The following FGF14 variants were observed in gnomAD, a reference collection of about 807,000 sequenced individuals.
FGF14 encodes fibroblast growth factor 14, also known as fibroblast growth factor homologous factor 4.
A neutral mutation model predicts 25.5 loss-of-function variants in FGF14; 5 were observed. The ratio of observed to expected loss-of-function variants is 0.20; its 90% CI spans 0.10 to 0.41. The LOEUF is 0.41. Ranked by LOEUF, FGF14 falls within the 10% of genes least tolerant of loss-of-function variation. The probability of loss-of-function intolerance (pLI) is 1.00; values close to 1 mark genes in which losing one functional copy is unlikely to be tolerated. For missense variants in FGF14, 222 were observed against 320.1 expected, an observed-to-expected ratio of 0.69 and a Z score of 2.34; for synonymous variants, 138 against 118.3, an observed-to-expected ratio of 1.17 and a Z score of -1.08.
In FGF14 at chr13:102,051,799, TGAA is replaced by T. The variant is rs1352972027; in HGVS notation, c.209-176506_209-176504del. Among the ~76,000 whole-genome samples, 18 of 152,256 alleles carry T rather than the reference TGAA, an allele frequency of 1.2e-4. No individual in the cohort carries two copies. In the East Asian group the frequency reaches 3.5e-3, roughly 29 times the overall value. On this transcript the variant is annotated intron_variant, in intron 1 of 4. Coordinates refer to the FGF14 transcript ENST00000376131. ...CACAGCAAGACTAGCCAGTAGAGTC[TGAA>T]AGTGGTGAATACTCCACCAAATACA...
chr13:102,071,021 G>A (rs532073361), intron 1 of FGF14, among the ~76,000 whole-genome samples: 5 of 152,056 alleles, frequency 3.3e-5, no homozygotes, highest in Non-Finnish European at 7.4e-5. Context: ...TCATCTGAGG[G>A]AACAGGCTGC....
chr13:102,235,712 A>T (rs560367631), intron 1 of FGF14, among the ~76,000 whole-genome samples: 1 of 152,322 alleles, frequency 6.6e-6, no homozygotes, highest in South Asian at 2.1e-4. Context: ...GGATATTTTG[A>T]TGCAAGATCC....
At chr13:101,888,507 T>A (rs1218464448) in intron 1 of FGF14, among the ~76,000 whole-genome samples, 2 of 152,144 alleles carry the variant, frequency 1.3e-5, no homozygotes, top group African/African-American at 4.8e-5. Flanking sequence ...TTTTAAAAAA[T>A]TATGTGACTT....
intron 1 of FGF14, among the ~76,000 whole-genome samples, chr13:102,211,666 C>G (rs1166713402): frequency 6.6e-6 from 1 of 152,172 alleles, no homozygotes; most frequent in Non-Finnish European, 1.5e-5. Context: ...GGCTGGCTCT[C>G]AAACCTACTT....
intron 1 of FGF14, among the ~76,000 whole-genome samples, chr13:101,901,268 T>C (rs1269551910): frequency 6.6e-6 from 1 of 152,206 alleles, no homozygotes; most frequent in African/African-American, 2.4e-5. Context: ...TGGGAGAAGA[T>C]GAACTAAAGC....
In FGF14 at chr13:102,179,022, G is replaced by T. The variant is rs640904; in HGVS notation, c.208+222449C>A. Among the ~76,000 whole-genome samples the T allele has an allele frequency of 2.4e-3, 369 of 151,918 alleles. 4 individuals carry two copies. Among genetic ancestry groups the T allele is most frequent in the African/African-American group, 7.4e-3 (306 of 41,406 alleles). On this transcript the variant is annotated intron_variant, in intron 1 of 4. Coordinates refer to the FGF14 transcript ENST00000376131. ...TAAGGACATTAAAAAAGTAAAAAGAGAAATGAAGGAATGAAAACTAAAAGT... is the reference window on the plus strand; with the variant it reads ...TAAGGACATTAAAAAAGTAAAAAGATAAATGAAGGAATGAAAACTAAAAGT...
At chr13:101,968,265 T>C (rs2139514531) in intron 1 of FGF14, among the ~76,000 whole-genome samples, 1 of 152,306 alleles carries the variant, frequency 6.6e-6, no homozygotes, top group South Asian at 2.1e-4. Flanking sequence ...CATGTCATAA[T>C]AAGCCTGACA....
At chr13:102,182,084 T>C (rs927956812) in intron 1 of FGF14, among the ~76,000 whole-genome samples, 5 of 152,184 alleles carry the variant, frequency 3.3e-5, no homozygotes, top group African/African-American at 1.2e-4. Context: ...CCCTGCATTG[T>C]GAAATTTATC....
At chr13:101,865,992 T>A (rs2044679455) in intron 3 of FGF14, among the ~76,000 whole-genome samples, 1 of 152,098 alleles carries the variant, frequency 6.6e-6, no homozygotes, top group South Asian at 2.1e-4. Flanking sequence ...AAAAATTTAC[T>A]CATCTTAGTT....
intron 1 of FGF14, among the ~76,000 whole-genome samples, chr13:101,880,997 G>A (rs1490690993): frequency 6.6e-6 from 1 of 152,224 alleles, no homozygotes; most frequent in Non-Finnish European, 1.5e-5. Flanking sequence ...TTTAACTACT[G>A]TAGCTAAAAC....
chr13:101,915,837 T>C (rs1380131719), intron 1 of FGF14, among the ~76,000 whole-genome samples: 1 of 152,220 alleles, frequency 6.6e-6, no homozygotes, highest in African/African-American at 2.4e-5. Flanking sequence ...ATCCCAGGAT[T>C]TGACTGAAGG....
intron 3 of FGF14, among the ~76,000 whole-genome samples, chr13:101,775,545 T>C (rs1226339463): frequency 6.6e-6 from 1 of 151,996 alleles, no homozygotes; most frequent in African/African-American, 2.4e-5. Flanking sequence ...TGTGTTAGAG[T>C]TGCCAAGTAG....
intron 1 of FGF14, among the ~76,000 whole-genome samples, chr13:101,897,119 G>A (rs1172783684): frequency 6.6e-6 from 1 of 152,134 alleles, no homozygotes; most frequent in Non-Finnish European, 1.5e-5. Context: ...GTGTACAGGA[G>A]AAGAAAAGGG....
At chr13:102,232,545 T>C (rs772947786) in intron 1 of FGF14, among the ~76,000 whole-genome samples, 2 of 152,210 alleles carry the variant, frequency 1.3e-5, no homozygotes, top group African/African-American at 2.4e-5. Flanking sequence ...TTTTGACATA[T>C]AGAAATAAAA....
chr13:101,991,047 A>G (rs1025690758), intron 1 of FGF14, among the ~76,000 whole-genome samples: 1 of 152,126 alleles, frequency 6.6e-6, no homozygotes, highest in Admixed American at 6.6e-5. Context: ...GGAGCACAAT[A>G]CTTCTTTAAC....
At chr13:101,734,699 T>C (rs534343988) in intron 3 of FGF14, among the ~76,000 whole-genome samples, 1 of 152,320 alleles carries the variant, frequency 6.6e-6, no homozygotes, top group African/African-American at 2.4e-5. Flanking sequence ...AGCACTGCTC[T>C]ACACACTACA....
chr13:102,184,982 T>TAA (rs1461854606), intron 1 of FGF14, among the ~76,000 whole-genome samples: 1 of 152,126 alleles, frequency 6.6e-6, no homozygotes, highest in Non-Finnish European at 1.5e-5. Context: ...TATGGTAGAA[T>TAA]ATTTTGTGGC....
intron 1 of FGF14, among the ~76,000 whole-genome samples, chr13:102,399,958 C>T (rs2058664398): frequency 6.6e-6 from 1 of 152,220 alleles, no homozygotes; most frequent in Admixed American, 6.5e-5. Flanking sequence ...GAGCCTCTGC[C>T]CTTTTAGACT....
chr13:102,165,895 A>T (rs1388171078), intron 1 of FGF14, among the ~76,000 whole-genome samples: 1 of 151,944 alleles, frequency 6.6e-6, no homozygotes, highest in Non-Finnish European at 1.5e-5. Flanking sequence ...GAGGATACTT[A>T]TAAGTATGGT....
Sources: gnomAD v4.1 joint callset for allele counts (sites outside exome capture counted in the v4.1 genomes callset) on GRCh38, gnomAD v4.1.1 for gene constraint, MANE v1.5 for transcripts, NCBI Gene and HGNC (gene_info 2026-07-23, HGNC 2026-07-21) for gene names.